YPEL2: variants seen among roughly 807,000 people sequenced by gnomAD.
YPEL2 encodes the protein protein yippee-like 2.
A neutral mutation model predicts 19.1 loss-of-function variants in YPEL2; 2 were observed. The ratio of observed to expected loss-of-function variants is 0.10; its 90% CI spans 0.04 to 0.33. The LOEUF (loss-of-function observed/expected upper bound fraction) is 0.33, where lower values mean the gene tolerates loss of function less well. Among genes scored for constraint, YPEL2 ranks in the 10% least tolerant of loss-of-function variants. The pLI is 1.00. For missense variants in YPEL2, 66 were observed against 140.7 expected (o/e 0.47, Z 2.68); for synonymous variants, 52 against 50.0 (o/e 1.04, Z -0.17).
chr17:59,356,885 C>A (rs888620187), intron 2 of YPEL2, among the ~76,000 whole-genome samples: 2 of 152,160 alleles, frequency 1.3e-5, no homozygotes, highest in Non-Finnish European at 2.9e-5. Flanking sequence ...AAGAGCTTTG[C>A]CCTGATGACC....
At chr17:59,349,358 CTTTTTT>C (rs58304283) in intron 1 of YPEL2, among the ~76,000 whole-genome samples, 3 of 119,212 alleles carry the variant, frequency 2.5e-5, no homozygotes, top group Non-Finnish European at 5.1e-5. Context: ...CCTTTTTTTT[CTTTTTT>C]TTTTTTTTTT....
At chr17:59,387,448 C>CT (rs1218277476) in intron 2 of YPEL2, among the ~76,000 whole-genome samples, 6 of 151,766 alleles carry the variant, frequency 4.0e-5, no homozygotes, top group African/African-American at 1.5e-4. Flanking sequence ...TCAGAGCAGA[C>CT]TAAGATACTA....
intron 2 of YPEL2, among the ~76,000 whole-genome samples, chr17:59,381,201 T>C (rs1419204247): frequency 6.6e-6 from 1 of 152,224 alleles, no homozygotes; most frequent in East Asian, 1.9e-4. Flanking sequence ...AGCCAGGACT[T>C]GAACCTGAAT....
At chr17:59,373,349 G>C (rs1475064013) in intron 2 of YPEL2, among the ~76,000 whole-genome samples, 3 of 152,126 alleles carry the variant, frequency 2.0e-5, no homozygotes, top group Non-Finnish European at 4.4e-5. Flanking sequence ...GGGGGCTTCT[G>C]CTGGCTTTCA....
At chr17:59,338,603 G>A (rs576068204) in intron 1 of YPEL2, among the ~76,000 whole-genome samples, 1 of 152,310 alleles carries the variant, frequency 6.6e-6, no homozygotes, top group East Asian at 1.9e-4. Flanking sequence ...AAGAGGGAGT[G>A]TATGGGGAAT....
intron 2 of YPEL2, among the ~76,000 whole-genome samples, chr17:59,371,325 A>G (rs1056436397): frequency 3.9e-5 from 6 of 152,176 alleles, no homozygotes; most frequent in Non-Finnish European, 8.8e-5. Flanking sequence ...GCAGCTCCCC[A>G]GTATCGTGTT....
In YPEL2 at chr17:59,353,400, A is replaced by C. The variant is rs755009709; in HGVS notation, c.-10A>C. 3 of 1,572,390 alleles carry C rather than the reference A, an allele frequency of 1.9e-6. No homozygotes were observed. Among genetic ancestry groups the C allele is most frequent in the Non-Finnish European group, 2.6e-6 (3 of 1,156,484 alleles). ...CTGCCCCAGAGTTCACCCCACACTC[A>C]GCAGCACCAATGGTGAAGATGACAA... On this transcript the variant is annotated 5_prime_UTR_variant, in exon 2 of 5. Coordinates refer to ENST00000312655, the MANE Select transcript of YPEL2 (RefSeq NM_001005404.4). This position sits in a 1 kb window ranked among gnomAD's most constrained non-coding sequence, Gnocchi z 4.8.
intron 2 of YPEL2, among the ~76,000 whole-genome samples, chr17:59,374,697 A>G (rs908733919): frequency 1.3e-5 from 2 of 152,216 alleles, no homozygotes; most frequent in South Asian, 2.1e-4. Flanking sequence ...AATAGTGAAC[A>G]TGGTCAGACC....
chr17:59,389,291 A>G, intron 3 of YPEL2, 69 bp from the exon 4 acceptor site: 1 of 1,415,580 alleles, frequency 7.1e-7, no homozygotes, highest in African/African-American at 1.4e-5. Context: ...TTTTTGCTGG[A>G]AGCTCAGCTT....
At chr17:59,374,324 A>T (rs950259570) in intron 2 of YPEL2, among the ~76,000 whole-genome samples, 1 of 152,218 alleles carries the variant, frequency 6.6e-6, no homozygotes, top group African/African-American at 2.4e-5. Context: ...TGTCTCTTTC[A>T]TAAGGCTCTT....
chr17:59,373,469 T>G lies in YPEL2; in HGVS notation c.118-14858T>G, dbSNP rs2047906388. On this transcript the variant is annotated intron_variant, in intron 2 of 4. Transcript: ENST00000312655. ...CCTGTCCCATCCATCTTCTCTGAAC[T>G]CCTTTAACAGCCATAATTTATTGCC... Among the ~76,000 whole-genome samples the G allele has an allele frequency of 2.0e-5, 3 of 152,154 alleles. No individual in the cohort carries two copies. The South Asian group carries it at 6.2e-4, about 32-fold the overall frequency.
intron 4 of YPEL2, among the ~76,000 whole-genome samples, chr17:59,395,850 G>A (rs999824174): frequency 2.0e-5 from 3 of 152,128 alleles, no homozygotes; most frequent in Non-Finnish European, 2.9e-5. Context: ...AGGCCTAGGC[G>A]GGTGGATCAC....
In YPEL2 at chr17:59,376,406, A is replaced by G. The variant is rs2047921042; in HGVS notation, c.118-11921A>G. Among the ~76,000 whole-genome samples the G allele has an allele frequency of 2.0e-5, 3 of 152,230 alleles. No homozygotes were observed. In the South Asian group the frequency reaches 6.2e-4, roughly 32 times the overall value. On this transcript the variant is annotated intron_variant, in intron 2 of 4. Transcript: ENST00000312655. ...GCTAATTTTTGTATTTTTGATAGAG[A>G]CGGGGTTTCACCATTTTGGCAGACT...
At position 59,389,352 on chromosome 17, in the gene YPEL2, C is replaced by T. The variant is rs564149261; in HGVS notation, c.162-8C>T. 39 of 1,611,996 alleles carry T rather than the reference C, an allele frequency of 2.4e-5. No homozygotes were observed. The highest frequency in any genetic ancestry group is 5.5e-5 in the South Asian group (5 of 90,906). On this transcript the variant is annotated splice_polypyrimidine_tract_variant and splice_region_variant and intron_variant, in intron 3 of 4. Coordinates refer to ENST00000312655, the MANE Select transcript of YPEL2 (RefSeq NM_001005404.4). Reference sequence around the variant, plus strand: ...CTACCCACTCTCTCTTCTTGTGCCTCGACATAGAGTTAATGTGGGCTGTGG... The same window carrying T: ...CTACCCACTCTCTCTTCTTGTGCCTTGACATAGAGTTAATGTGGGCTGTGG...
intron 1 of YPEL2, among the ~76,000 whole-genome samples, chr17:59,332,980 G>A (rs1195135221): frequency 6.6e-6 from 1 of 152,126 alleles, no homozygotes; most frequent in Non-Finnish European, 1.5e-5. Context: ...CCAAAGCATT[G>A]GGCAAGAAGG....
chr17:59,370,314 C>T (rs969658248), intron 2 of YPEL2, among the ~76,000 whole-genome samples: 5 of 152,298 alleles, frequency 3.3e-5, no homozygotes, highest in Admixed American at 3.3e-4. Flanking sequence ...CCGCCCGCCT[C>T]GGCCTCCCAA....
intron 1 of YPEL2, among the ~76,000 whole-genome samples, chr17:59,351,945 G>T (rs1467810437): frequency 6.6e-6 from 1 of 152,174 alleles, no homozygotes; most frequent in Non-Finnish European, 1.5e-5. Flanking sequence ...CCAGAAGTAT[G>T]GCGGCCTCAG....
rs1323098256 is a variant in YPEL2, at chr17:59,399,978, C to G, written c.*2788C>G. 1 of 152,708 alleles carries G rather than the reference C, an allele frequency of 6.5e-6. No homozygotes were observed. Among genetic ancestry groups the G allele is most frequent in the Non-Finnish European group, 1.5e-5 (1 of 68,122 alleles). The allele number at this position is 152,708 out of a possible 1,614,324, so 9.5% of individuals were successfully genotyped here. On this transcript the variant is annotated 3_prime_UTR_variant, in exon 5 of 5. Coordinates refer to ENST00000312655, the MANE Select transcript of YPEL2 (RefSeq NM_001005404.4). ...GCATGAAGTTCTATACCTCAGCCAG[C>G]AGCTGCCTTCGTTTGGAACTGAAGT...
intron 3 of YPEL2, 140 bp from the exon 4 acceptor site, chr17:59,389,220 G>T (rs1200247208): frequency 3.2e-6 from 2 of 627,546 alleles, no homozygotes; most frequent in Non-Finnish European, 5.5e-6. Flanking sequence ...ACCTTTTGGG[G>T]ATTGGTTTAG....
Sources: allele counts gnomAD v4.1 joint callset (sites outside exome capture counted in the v4.1 genomes callset), GRCh38; gene constraint gnomAD v4.1.1; non-coding constraint Gnocchi (gnomAD v3.1); transcripts MANE v1.5; gene names NCBI Gene and HGNC (gene_info 2026-07-23, HGNC 2026-07-21).